The following OMA1 variants were observed in gnomAD, a reference collection of about 807,000 sequenced individuals.
OMA1 encodes OMA1 zinc metallopeptidase.
A neutral mutation model predicts 30.9 loss-of-function variants in OMA1; 38 were observed. The ratio of observed to expected loss-of-function variants is 1.23; its 90% CI spans 0.95 to 1.61. OMA1 has a LOEUF of 1.61. Ranked by LOEUF, OMA1 falls within the 40% of genes most tolerant of loss-of-function variation. The probability of loss-of-function intolerance (pLI) is 0.00; values close to 1 mark genes in which losing one functional copy is unlikely to be tolerated. For synonymous variants in OMA1, 173 were observed against 121.9 expected, an observed-to-expected ratio of 1.42 and a Z score of -2.76; for missense variants, 461 against 349.2, an observed-to-expected ratio of 1.32 and a Z score of -2.55.
At position 58,539,088 on chromosome 1, in the gene OMA1, A is replaced by G; in HGVS notation, c.207T>C (p.His69=). The part of the protein sequence containing the change: ...DRWSFLPGNF[H]FYSTFNNKRT... ...TTTTGTTGTTAAAAGTACTATAAAA[A>G]TGAAAGTTTCCAGGCAGAAAACTCC... Residue 69 remains histidine, a synonymous_variant, in exon 2 of 9, where the codon CAT becomes CAC. Transcript: ENST00000371226. 1 of 872,968 alleles carries G rather than the reference A, an allele frequency of 1.1e-6. No individual in the cohort carries two copies. Among genetic ancestry groups the G allele is most frequent in the Non-Finnish European group, 2.0e-6 (1 of 501,660 alleles). 54.1% of individuals were successfully genotyped at this position (872,968 alleles called of 1,614,324 possible). A position where few individuals can be genotyped will look rare whatever the true frequency, so the allele number is the denominator to read the frequency against.
At chr1:58,491,402 T>C (rs1468393558) in intron 8 of OMA1, among the ~76,000 whole-genome samples, 1 of 152,050 alleles carries the variant, frequency 6.6e-6, no homozygotes, top group Admixed American at 6.5e-5. Context: ...AGGATCAAAT[T>C]CACACATAAC....
chr1:58,510,137 G>C (rs1646051061), intron 7 of OMA1, among the ~76,000 whole-genome samples: 1 of 135,934 alleles, frequency 7.4e-6, no homozygotes, highest in South Asian at 2.2e-4. Flanking sequence ...CTCATTTTAT[G>C]AGGCCAGCCA....
intron 8 of OMA1, among the ~76,000 whole-genome samples, chr1:58,489,112 G>A (rs1305511768): frequency 6.6e-6 from 1 of 152,192 alleles, no homozygotes; most frequent in Non-Finnish European, 1.5e-5. Context: ...AGTCGGTGCA[G>A]CGCACCGAGC....
rs190488132 is a variant in OMA1, at chr1:58,485,069, A to G, written c.1366-3895T>C. On this transcript the variant is annotated intron_variant, in intron 8 of 8. Coordinates refer to ENST00000371226, the MANE Select transcript of OMA1 (RefSeq NM_145243.5). Reference sequence around the variant, plus strand: ...TTGGGTGATAATGATGGGTCAACATAGGTTCATCAATTGTAACTAATATTA... The same window carrying G: ...TTGGGTGATAATGATGGGTCAACATGGGTTCATCAATTGTAACTAATATTA... Among the ~76,000 whole-genome samples, 10 of 152,124 alleles carry G rather than the reference A, an allele frequency of 6.6e-5. No homozygotes were observed. In the East Asian group the frequency reaches 1.9e-3, roughly 29 times the overall value.
intron 7 of OMA1, among the ~76,000 whole-genome samples, chr1:58,516,646 T>C (rs1246807283): frequency 1.3e-5 from 2 of 152,148 alleles, no homozygotes; most frequent in Admixed American, 1.3e-4. Context: ...CTAGGGAAAG[T>C]GGGCTGCCTA....
rs576748455 is a variant in OMA1, at chr1:58,507,684, A to T, written c.1216-1475T>A. Among the ~76,000 whole-genome samples the T allele has an allele frequency of 8.5e-5, 13 of 152,204 alleles. No individual in the cohort carries two copies. In the East Asian group the frequency reaches 1.2e-3, roughly 14 times the overall value. ...ATAAATACATATCTATATATGCAAG[A>T]TGTGTGTGTGCTTATGTGTAAAATA... is the stretch of plus-strand genomic sequence containing the variant. On this transcript the variant is annotated intron_variant, in intron 7 of 8. Coordinates refer to ENST00000371226, the MANE Select transcript of OMA1 (RefSeq NM_145243.5).
rs12144759 is a variant in OMA1, at chr1:58,481,189, T to G, written c.1366-15A>C. ...ATTTTGAGAGCCTATAAAGAAATAATAAAATAAAAAAATACTATATATATA... is the reference window on the plus strand; with the variant it reads ...ATTTTGAGAGCCTATAAAGAAATAAGAAAATAAAAAAATACTATATATATA... On this transcript the variant is annotated splice_polypyrimidine_tract_variant and intron_variant, in intron 8 of 8. Coordinates refer to ENST00000371226, the MANE Select transcript of OMA1 (RefSeq NM_145243.5). 0.17 allele frequency: 132,895 copies of G among 772,462 alleles called. 11,961 individuals are homozygous for G. The highest frequency in any genetic ancestry group is 0.24 in the African/African-American group (13,477 of 57,264). 47.9% of individuals were successfully genotyped at this position (772,462 alleles called of 1,614,324 possible). A position where few individuals can be genotyped will look rare whatever the true frequency, so the allele number is the denominator to read the frequency against.
At chr1:58,512,214 C>T (rs762125439) in intron 7 of OMA1, among the ~76,000 whole-genome samples, 2 of 152,036 alleles carry the variant, frequency 1.3e-5, no homozygotes, top group Non-Finnish European at 2.9e-5. Context: ...TTACCTTACA[C>T]CTGTTAGGTT....
Position 58,489,497 on chromosome 1 carries a change from G to T in OMA1, c.1366-8323C>A, listed in dbSNP as rs527983359. Among the ~76,000 whole-genome samples the T allele has an allele frequency of 6.3e-4, 96 of 152,334 alleles. No homozygotes were observed. The South Asian group carries it at 0.018, about 29-fold the overall frequency. ...AGCTCAAGGAGGCCTGCCTGCCTGT[G>T]TAGACTCCACCTCTGGGGGCAGGGC... On this transcript the variant is annotated intron_variant, in intron 8 of 8. Coordinates refer to ENST00000371226, the MANE Select transcript of OMA1 (RefSeq NM_145243.5).
rs999834727 is a variant in OMA1, at chr1:58,538,223, T to C, written c.500+572A>G. ...AACAAGAGAAAAAGGGTTAAAGCAC[T>C]ACAAGCTGTGAAAATATTATTATAA... On this transcript the variant is annotated intron_variant, in intron 2 of 8. Transcript: ENST00000371226. Among the ~76,000 whole-genome samples the C allele has an allele frequency of 2.6e-5, 4 of 152,118 alleles. 1 individual carries two copies. Among genetic ancestry groups the C allele is most frequent in the African/African-American group, 9.7e-5 (4 of 41,434 alleles).
intron 5 of OMA1, among the ~76,000 whole-genome samples, chr1:58,533,039 TCA>T (rs1426892309): frequency 6.6e-6 from 1 of 152,232 alleles, no homozygotes; most frequent in Non-Finnish European, 1.5e-5. Context: ...TTCAGTCACT[TCA>T]CTATGTACCT....
chr1:58,525,203 A>G (rs1028854837), intron 7 of OMA1, among the ~76,000 whole-genome samples: 1 of 152,152 alleles, frequency 6.6e-6, no homozygotes, highest in African/African-American at 2.4e-5. Flanking sequence ...CATTCATGAC[A>G]TATCCTTTTC....
intron 7 of OMA1, among the ~76,000 whole-genome samples, chr1:58,515,615 T>C (rs1013298766): frequency 1.3e-5 from 2 of 152,182 alleles, no homozygotes; most frequent in Admixed American, 6.5e-5. Context: ...ACATACCTAT[T>C]AAATAAGATG....
At chr1:58,532,079 T>C (rs1646442859) in intron 5 of OMA1, among the ~76,000 whole-genome samples, 1 of 152,208 alleles carries the variant, frequency 6.6e-6, no homozygotes, top group African/African-American at 2.4e-5. Context: ...AGAAAGCCCT[T>C]GTTATTAAAG....
intron 6 of OMA1, among the ~76,000 whole-genome samples, chr1:58,529,674 A>C (rs61781816): frequency 6.6e-6 from 1 of 152,282 alleles, no homozygotes; most frequent in Non-Finnish European, 1.5e-5. Context: ...TTGGCTCTCT[A>C]TATCTGTGGA....
Position 58,489,122 on chromosome 1 carries a change from C to T in OMA1, c.1366-7948G>A, listed in dbSNP as rs1454121306. Among the ~76,000 whole-genome samples the T allele has an allele frequency of 5.9e-5, 9 of 152,224 alleles. No homozygotes were observed. The South Asian group carries it at 6.2e-4, about 11-fold the overall frequency. On this transcript the variant is annotated intron_variant, in intron 8 of 8. Transcript: ENST00000371226. Reference sequence around the variant, plus strand: ...AGGACAGTCGGTGCAGCGCACCGAGCGTGAGCCGAAGTAGGGCAAGGCATC... The same window carrying T: ...AGGACAGTCGGTGCAGCGCACCGAGTGTGAGCCGAAGTAGGGCAAGGCATC...
intron 7 of OMA1, among the ~76,000 whole-genome samples, chr1:58,516,505 A>G (rs1029938979): frequency 6.6e-6 from 1 of 152,210 alleles, no homozygotes; most frequent in Admixed American, 6.5e-5. Context: ...TATTAATTCT[A>G]TATTAATCAT....
chr1:58,507,072 G>C (rs1448247545), intron 7 of OMA1, among the ~76,000 whole-genome samples: 1 of 151,798 alleles, frequency 6.6e-6, no homozygotes, highest in Non-Finnish European at 1.5e-5. Flanking sequence ...AGTGGAGAGG[G>C]AGCAACACTT....
intron 8 of OMA1, among the ~76,000 whole-genome samples, chr1:58,501,584 T>C (rs1200193587): frequency 6.6e-6 from 1 of 152,164 alleles, no homozygotes; most frequent in Non-Finnish European, 1.5e-5. Context: ...CCTTGTACTC[T>C]TCCCCAAGAC....
Sources: allele counts gnomAD v4.1 joint callset (sites outside exome capture counted in the v4.1 genomes callset), GRCh38; gene constraint gnomAD v4.1.1; transcripts MANE v1.5; gene names NCBI Gene and HGNC (gene_info 2026-07-23, HGNC 2026-07-21).